The following OXNAD1 variants were observed in gnomAD, a reference collection of about 807,000 sequenced individuals.
OXNAD1 encodes the protein oxidoreductase NAD-binding domain-containing protein 1.
A neutral mutation model predicts 32.9 loss-of-function variants in OXNAD1; 34 were observed. That is an observed-to-expected ratio of 1.03 (90% CI 0.79 to 1.38). The LOEUF (loss-of-function observed/expected upper bound fraction) is 1.38, where lower values mean the gene tolerates loss of function less well. OXNAD1 is among the 40% of genes most tolerant of loss of function. The probability of loss-of-function intolerance (pLI) is 0.00; values close to 1 mark genes in which losing one functional copy is unlikely to be tolerated. For synonymous variants in OXNAD1, 134 were observed against 135.2 expected (o/e 0.99, Z 0.06); for missense variants, 407 against 379.4 (o/e 1.07, Z -0.60).
Position 16,321,694 on chromosome 3 carries a change from T to G in OXNAD1, c.*31-15418T>G, listed in dbSNP as rs530389185. 6.6e-6 allele frequency among the ~76,000 whole-genome samples: 1 copy of G among 152,214 alleles called. No individual in the cohort carries two copies. Among genetic ancestry groups the G allele is most frequent in the Admixed American group, 6.5e-5 (1 of 15,302 alleles). On this transcript the variant is annotated intron_variant, in intron 9 of 9. Coordinates refer to the OXNAD1 transcript ENST00000435829. The surrounding 1 kb of genome is among the most constrained non-coding windows in gnomAD (Gnocchi z 4.8). The stretch of plus-strand genomic sequence containing the variant: ...AGTCTTGGAATGAGGCAGGAAATAA[T>G]TAGGTACATGGAAAGAGAAAGCAGT...
intron 9 of OXNAD1, chr3:16,315,719 T>G (rs2068313571): frequency 6.6e-6 from 1 of 152,212 alleles, no homozygotes; most frequent in African/African-American, 2.4e-5. Context: ...ATGGGAACTT[T>G]GTCTTCCTCC....
chr3:16,303,566 GCAGA>G lies in OXNAD1; in HGVS notation c.*7_*10del. 3 of 1,613,070 alleles carry G rather than the reference GCAGA, an allele frequency of 1.9e-6. No homozygotes were observed. The South Asian group carries it at 3.3e-5, about 18-fold the overall frequency. ...TTGCTTTGAGAAGTGGTGGTAGGAG[GCAGA>G]CAAAGGCAGAAAAAATAAAGAGGTG... On this transcript the variant is annotated 3_prime_UTR_variant, in exon 9 of 9. Coordinates refer to ENST00000285083, the MANE Select transcript of OXNAD1 (RefSeq NM_138381.5). The surrounding 1 kb of genome is among the most constrained non-coding windows in gnomAD (Gnocchi z 4.8).
At chr3:16,296,606 G>A (rs2066815473) in intron 6 of OXNAD1, among the ~76,000 whole-genome samples, 2 of 152,156 alleles carry the variant, frequency 1.3e-5, no homozygotes, top group Admixed American at 6.5e-5. Context: ...TATGGTATTG[G>A]TGAAAGGAGA....
Position 16,344,222 on chromosome 3 carries a change from G to A in OXNAD1, c.*31-4954G>A, listed in dbSNP as rs893179030. ...TATTCCTATTACATTTTATTGGGCT[G>A]GTTTTTGTCCAACATTCATATACTA... On this transcript the variant is annotated intron_variant, in intron 9 of 9. Transcript: ENST00000606098. This position sits in a 1 kb window ranked among gnomAD's most constrained non-coding sequence, Gnocchi z 4.4. Among the ~76,000 whole-genome samples, 1 of 152,030 alleles carries A rather than the reference G, an allele frequency of 6.6e-6. No homozygotes were observed. The highest frequency in any genetic ancestry group is 1.5e-5 in the Non-Finnish European group (1 of 68,014).
rs1291434355 is a variant in OXNAD1 at position 16,336,307 on chromosome 3, A to C, written c.*31-805A>C. Among the ~76,000 whole-genome samples, 1 of 152,170 alleles carries C rather than the reference A, an allele frequency of 6.6e-6. No individual in the cohort carries two copies. Among genetic ancestry groups the C allele is most frequent in the Non-Finnish European group, 1.5e-5 (1 of 68,016 alleles). On this transcript the variant is annotated intron_variant, in intron 9 of 9. Transcript: ENST00000435829. This position sits in a 1 kb window ranked among gnomAD's most constrained non-coding sequence, Gnocchi z 6.0. ...CCACTTGGGAAGCCTCTTCTGCCCC[A>C]GGAGATCCCAGTCTAGGGGTGGGGA...
In OXNAD1 at chr3:16,345,458, T is replaced by G. The variant is rs989395416; in HGVS notation, c.*31-3718T>G. Among the ~76,000 whole-genome samples, 6 of 152,154 alleles carry G rather than the reference T, an allele frequency of 3.9e-5. No homozygotes were observed. The highest frequency in any genetic ancestry group is 7.2e-5 in the African/African-American group (3 of 41,436). On this transcript the variant is annotated intron_variant, in intron 9 of 9. Coordinates refer to the OXNAD1 transcript ENST00000606098. The surrounding 1 kb of genome is among the most constrained non-coding windows in gnomAD (Gnocchi z 5.2). ...TTGTGAGGGTGTTTCTGGAAAAGAT[T>G]AGCATTTGAATGGGTCAACTGAGTA... is the stretch of plus-strand genomic sequence containing the variant.
In OXNAD1 at chr3:16,334,160, G is replaced by A. The variant is rs2125258241; in HGVS notation, c.*31-2952G>A. Among the ~76,000 whole-genome samples the A allele has an allele frequency of 6.6e-6, 1 of 152,216 alleles. No individual in the cohort carries two copies. The highest frequency in any genetic ancestry group is 6.5e-5 in the Admixed American group (1 of 15,292). On this transcript the variant is annotated intron_variant, in intron 9 of 9. Transcript: ENST00000435829. The surrounding 1 kb of genome is among the most constrained non-coding windows in gnomAD (Gnocchi z 4.3). ...AGCCTGGGCGACAGAGCAAGACTCT[G>A]TCTCAAAACAAAAACAAAAACAAAA...
At chr3:16,318,592 TTC>T (rs2068693319) in intron 9 of OXNAD1, among the ~76,000 whole-genome samples, 1 of 146,586 alleles carries the variant, frequency 6.8e-6, no homozygotes, top group African/African-American at 2.4e-5. Flanking sequence ...AAACACAGAA[TTC>T]TGAGATTTAA....
chr3:16,307,488 T>G (rs562319334), downstream of OXNAD1, among the ~76,000 whole-genome samples: 1 of 152,330 alleles, frequency 6.6e-6, no homozygotes, highest in Non-Finnish European at 1.5e-5. Flanking sequence ...GTCTGATGAG[T>G]GATCATTGAG....
intron 9 of OXNAD1, chr3:16,315,897 G>T (rs1050626): frequency 2.6e-5 from 4 of 152,364 alleles, no homozygotes; most frequent in African/African-American, 9.6e-5. Context: ...CTAAACAAGA[G>T]AAGAGACAGG....
At chr3:16,323,937 T>TGCA (rs1037219256) in intron 9 of OXNAD1, among the ~76,000 whole-genome samples, 17 of 152,296 alleles carry the variant, frequency 1.1e-4, no homozygotes, top group Admixed American at 9.8e-4. Flanking sequence ...CACCAAAGAC[T>TGCA]GCACAGCACC....
At position 16,277,024 on chromosome 3, in the gene OXNAD1, A is replaced by C. The variant is rs1298076738; in HGVS notation, c.183+5302A>C. Reference sequence around the variant, plus strand: ...ACTGCAACCTCTGCCTCCCGGGTTCAAGTGACTCTCCTGCCTCAGCCTCCC... The same window carrying C: ...ACTGCAACCTCTGCCTCCCGGGTTCCAGTGACTCTCCTGCCTCAGCCTCCC... On this transcript the variant is annotated intron_variant, in intron 4 of 8. Transcript: ENST00000285083. This position sits in a 1 kb window ranked among gnomAD's most constrained non-coding sequence, Gnocchi z 4.3. Among the ~76,000 whole-genome samples the C allele has an allele frequency of 6.6e-6, 1 of 151,624 alleles. No individual in the cohort carries two copies. The highest frequency in any genetic ancestry group is 2.4e-5 in the African/African-American group (1 of 41,270).
intron 9 of OXNAD1, among the ~76,000 whole-genome samples, chr3:16,328,216 A>G (rs529832436): frequency 6.6e-6 from 1 of 152,360 alleles, no homozygotes; most frequent in African/African-American, 2.4e-5. Context: ...GATCCCAGCC[A>G]CAGTCAAAGC....
At chr3:16,328,821 A>G (rs1357845498) in intron 9 of OXNAD1, among the ~76,000 whole-genome samples, 2 of 152,030 alleles carry the variant, frequency 1.3e-5, no homozygotes, top group Non-Finnish European at 2.9e-5. Context: ...TGGCAAAAGA[A>G]AAGTCTGTAA....
At chr3:16,313,180 G>GT (rs2068089914) in intron 9 of OXNAD1, among the ~76,000 whole-genome samples, 1 of 142,070 alleles carries the variant, frequency 7.0e-6, no homozygotes, top group African/African-American at 2.8e-5. Context: ...CAAGTAGCTG[G>GT]TACATGTACC....
chr3:16,267,823 C>A (rs2064639434), intron 1 of OXNAD1, among the ~76,000 whole-genome samples: 2 of 152,296 alleles, frequency 1.3e-5, no homozygotes, highest in South Asian at 4.1e-4. Flanking sequence ...GTGCCTGGCA[C>A]CCCTGTAGTT....
At position 16,299,627 on chromosome 3, in the gene OXNAD1, A is replaced by G. The variant is rs1022331703; in HGVS notation, c.433-1999A>G. Among the ~76,000 whole-genome samples, 6 of 152,184 alleles carry G rather than the reference A, an allele frequency of 3.9e-5. No homozygotes were observed. Among genetic ancestry groups the G allele is most frequent in the African/African-American group, 1.4e-4 (6 of 41,462 alleles). On this transcript the variant is annotated intron_variant, in intron 6 of 8. Transcript: ENST00000285083. The surrounding 1 kb of genome is among the most constrained non-coding windows in gnomAD (Gnocchi z 4.4). ...ACTCAACTTTAACTTGCAGAGACCA[A>G]ATTAAATTCATGTCCAGAAGTACCT...
At chr3:16,283,240 C>T (rs1032229053) in intron 4 of OXNAD1, among the ~76,000 whole-genome samples, 2 of 152,102 alleles carry the variant, frequency 1.3e-5, no homozygotes, top group African/African-American at 4.8e-5. Context: ...CTCTGCATAC[C>T]CTGTTCCCCA....
Position 16,335,553 on chromosome 3 carries a change from A to G in OXNAD1, c.*31-1559A>G, listed in dbSNP as rs982425745. 1.3e-5 allele frequency among the ~76,000 whole-genome samples: 2 copies of G among 152,182 alleles called. No homozygotes were observed. The highest frequency in any genetic ancestry group is 4.8e-5 in the African/African-American group (2 of 41,426). On this transcript the variant is annotated intron_variant, in intron 9 of 9. Transcript: ENST00000435829. The surrounding 1 kb of genome is among the most constrained non-coding windows in gnomAD (Gnocchi z 4.7). ...ACATGTTCTCACTTACAAGTGGGAG[A>G]GCTGAACGGTGAAAACACATGTGAA...
Sources: gnomAD v4.1 joint callset for allele counts (sites outside exome capture counted in the v4.1 genomes callset) on GRCh38, gnomAD v4.1.1 for gene constraint, Gnocchi (gnomAD v3.1) non-coding constraint, MANE v1.5 for transcripts, NCBI Gene and HGNC (gene_info 2026-07-23, HGNC 2026-07-21) for gene names.